SLC4A4: variants seen among roughly 807,000 people sequenced by gnomAD.
SLC4A4 encodes the protein solute carrier family 4 member 4.
A neutral mutation model predicts 111.5 loss-of-function variants in SLC4A4; 27 were observed. That is an observed-to-expected ratio of 0.24 (90% CI 0.18 to 0.33). SLC4A4 has a LOEUF of 0.33. Ranked by LOEUF, SLC4A4 falls within the 10% of genes least tolerant of loss-of-function variation. The pLI, the probability that SLC4A4 is intolerant of heterozygous loss-of-function variation, is 1.00. For synonymous variants in SLC4A4, 443 were observed against 463.4 expected (o/e 0.96, Z 0.57); for missense variants, 909 against 1,315.5 (o/e 0.69, Z 4.78).
rs137916204 is a variant in SLC4A4, at chr4:71,190,208, A to G, written c.-2+2807A>G. Among the ~76,000 whole-genome samples the G allele has an allele frequency of 2.5e-3, 388 of 152,348 alleles. 2 individuals are homozygous for G. The South Asian group carries it at 0.029, about 11-fold the overall frequency. The stretch of plus-strand genomic sequence containing the variant: ...GTCAGCTAAGTTGTATTCCAAATAC[A>G]TTTTGCCTTTCTCCCAATATATAAA... On this transcript the variant is annotated intron_variant, in intron 1 of 25. Coordinates refer to ENST00000264485, the MANE Select transcript of SLC4A4 (RefSeq NM_001098484.3).
At chr4:71,393,528 T>C (rs1456556968) in intron 6 of SLC4A4, among the ~76,000 whole-genome samples, 3 of 152,048 alleles carry the variant, frequency 2.0e-5, no homozygotes, top group African/African-American at 7.2e-5. Context: ...CACAAACAAA[T>C]GGAAACATAT....
At chr4:71,567,241 C>G (rs1737567352) in intron 25 of SLC4A4, among the ~76,000 whole-genome samples, 158 bp downstream of exon 25, 1 of 151,718 alleles carries the variant, frequency 6.6e-6, no homozygotes. Flanking sequence ...CCAGCTTTTA[C>G]TAGTAGAAAG....
chr4:71,458,040 G>T (rs756492631), intron 12 of SLC4A4, among the ~76,000 whole-genome samples: 93 of 152,120 alleles, frequency 6.1e-4, no homozygotes, highest in Middle Eastern at 6.8e-3. Context: ...TTGATCTGCA[G>T]TTGGTTGAAT....
intron 14 of SLC4A4, among the ~76,000 whole-genome samples, chr4:71,478,783 A>G (rs1191809869): frequency 6.6e-6 from 1 of 151,794 alleles, no homozygotes; most frequent in Admixed American, 6.6e-5. Flanking sequence ...ACTTGCAGTG[A>G]AGTAGAATAC....
intron 6 of SLC4A4, among the ~76,000 whole-genome samples, chr4:71,367,436 C>T (rs1578933285): frequency 6.6e-6 from 1 of 152,130 alleles, no homozygotes; most frequent in African/African-American, 2.4e-5. Flanking sequence ...CTTGCTTGGG[C>T]CTAGATAAAT....
intron 2 of SLC4A4, among the ~76,000 whole-genome samples, chr4:71,152,899 T>G (rs1007449828): frequency 2.6e-5 from 4 of 151,242 alleles, no homozygotes; most frequent in Admixed American, 6.6e-5. Flanking sequence ...CTCAGGAAAG[T>G]GTCATTTTGG....
At chr4:71,527,948 A>G (rs1733569594) in intron 16 of SLC4A4, among the ~76,000 whole-genome samples, 1 of 152,048 alleles carries the variant, frequency 6.6e-6, no homozygotes, top group South Asian at 2.1e-4. Context: ...TGAACTCTGG[A>G]ACACTGCAAT....
chr4:71,306,465 C>T (rs1229254022), intron 3 of SLC4A4, among the ~76,000 whole-genome samples: 1 of 152,088 alleles, frequency 6.6e-6, no homozygotes, highest in Non-Finnish European at 1.5e-5. Flanking sequence ...CACCTGTAGT[C>T]CCAGCTACTC....
intron 5 of SLC4A4, among the ~76,000 whole-genome samples, chr4:71,355,578 A>G (rs1730211937): frequency 6.6e-6 from 1 of 152,230 alleles, no homozygotes; most frequent in African/African-American, 2.4e-5. Flanking sequence ...GTTATGTGAC[A>G]GTTATGGCAC....
intron 1 of SLC4A4, among the ~76,000 whole-genome samples, chr4:71,194,290 T>G (rs1422355629): frequency 6.6e-6 from 1 of 152,174 alleles, no homozygotes; most frequent in Non-Finnish European, 1.5e-5. Flanking sequence ...TGGCCATACA[T>G]GTTAGTTATT....
chr4:71,188,161 G>T (rs1278664577), intron 1 of SLC4A4, among the ~76,000 whole-genome samples: 1 of 152,168 alleles, frequency 6.6e-6, no homozygotes, highest in Non-Finnish European at 1.5e-5. Context: ...CCAGAGGAAG[G>T]CAGGACCTGG....
intron 7 of SLC4A4, among the ~76,000 whole-genome samples, chr4:71,413,939 CA>C (rs1438481625): frequency 1.3e-5 from 2 of 152,128 alleles, no homozygotes; most frequent in Non-Finnish European, 2.9e-5. Context: ...TCTTGAGCCA[CA>C]AAAATCTTTC....
chr4:71,567,050 A>G lies in SLC4A4; in HGVS notation c.*3A>G. ...TTGAACGCCACACATCATGCTGATA[A>G]AATTCCTTTCCTTCAGTCACTCGGT... On this transcript the variant is annotated 3_prime_UTR_variant, in exon 25 of 26. Coordinates refer to ENST00000264485, the MANE Select transcript of SLC4A4 (RefSeq NM_001098484.3). 6.2e-7 allele frequency: 1 copy of G among 1,610,190 alleles called. No homozygotes were observed. Among genetic ancestry groups the G allele is most frequent in the South Asian group, 1.1e-5 (1 of 90,746 alleles).
rs57359640 is a variant in SLC4A4, at chr4:71,139,179, TTG to T, written c.-2+46425_-2+46426del. On this transcript the variant is annotated intron_variant, in intron 2 of 26. Coordinates refer to the SLC4A4 transcript ENST00000649996. ...GTCATCAAACTAAATTCCCTTTTCT[TTG>T]TGTGTGTGTGTGTGTGTGTGTGTGT... Among the ~76,000 whole-genome samples the T allele has an allele frequency of 9.7e-3, 1,400 of 144,508 alleles. 17 individuals are homozygous for T. The highest frequency in any genetic ancestry group is 0.023 in the African/African-American group (907 of 38,852). The allele number at this position is 144,508 out of a possible 152,430, so 94.8% of individuals were successfully genotyped here.
intron 1 of SLC4A4, chr4:71,233,416 C>T (rs1560798537): frequency 2.3e-6 from 1 of 438,476 alleles, no homozygotes; most frequent in East Asian, 1.6e-4. Context: ...GCAGTACTCT[C>T]CTTTTGTCAC....
rs73828106 is a variant in SLC4A4 at position 71,368,475 on chromosome 4, A to C, written c.730+11288A>C. ...AAGGGCTGAAAAACAGAGGAAATTG[A>C]GATCCAGCTCTATATTCATCAAGGA... On this transcript the variant is annotated intron_variant, in intron 6 of 25. Coordinates refer to ENST00000264485, the MANE Select transcript of SLC4A4 (RefSeq NM_001098484.3). Among the ~76,000 whole-genome samples the C allele has an allele frequency of 8.5e-3, 1,206 of 142,490 alleles. 17 individuals carry two copies. Among genetic ancestry groups the C allele is most frequent in the African/African-American group, 0.026 (1,067 of 41,290 alleles). The allele number at this position is 142,490 out of a possible 152,430, so 93.5% of individuals were successfully genotyped here.
chr4:71,145,801 T>C (rs1446074721), intron 2 of SLC4A4, among the ~76,000 whole-genome samples: 1 of 152,208 alleles, frequency 6.6e-6, no homozygotes, highest in Non-Finnish European at 1.5e-5. Context: ...ATATCCCCTT[T>C]GTCATTTTTT....
At chr4:71,165,209 A>G (rs1046822789) in intron 2 of SLC4A4, among the ~76,000 whole-genome samples, 2 of 152,244 alleles carry the variant, frequency 1.3e-5, no homozygotes, top group Non-Finnish European at 2.9e-5. Context: ...CTGGGTATAT[A>G]CCCAAAGGAT....
At chr4:71,554,543 GTAAT>G (rs1173975212) in intron 20 of SLC4A4, among the ~76,000 whole-genome samples, 1 of 151,856 alleles carries the variant, frequency 6.6e-6, no homozygotes, top group Non-Finnish European at 1.5e-5. Context: ...ATCCATGTGT[GTAAT>G]TAATTGCTTC....
Sources: allele counts gnomAD v4.1 joint callset (sites outside exome capture counted in the v4.1 genomes callset), GRCh38; gene constraint gnomAD v4.1.1; transcripts MANE v1.5; gene names NCBI Gene and HGNC (gene_info 2026-07-23, HGNC 2026-07-21).